KCND2: variants seen among roughly 807,000 people sequenced by gnomAD.
The protein encoded by KCND2 is A-type voltage-gated potassium channel KCND2.
KCND2 carries 16 observed loss-of-function variants against 54.4 expected under a neutral mutation model. The ratio of observed to expected loss-of-function variants is 0.29; its 90% CI spans 0.20 to 0.45. The LOEUF is 0.45. Among genes scored for constraint, KCND2 ranks in the 20% least tolerant of loss-of-function variants. KCND2 has a pLI of 1.00. For missense variants in KCND2, 486 were observed against 824.2 expected, an observed-to-expected ratio of 0.59 and a Z score of 5.02; for synonymous variants, 317 against 310.7, an observed-to-expected ratio of 1.02 and a Z score of -0.21.
chr7:120,462,289 A>C (rs1802294746), intron 1 of KCND2, among the ~76,000 whole-genome samples: 1 of 151,958 alleles, frequency 6.6e-6, no homozygotes, highest in Non-Finnish European at 1.5e-5. Context: ...CTGAAGTTGA[A>C]TCTTATAGGC....
intron 1 of KCND2, among the ~76,000 whole-genome samples, chr7:120,706,787 A>G (rs941422991): frequency 3.3e-5 from 5 of 152,182 alleles, no homozygotes; most frequent in Non-Finnish European, 7.3e-5. Context: ...TAATTAACAC[A>G]CATCTATAAT....
chr7:120,383,315 G>T (rs187015694), intron 1 of KCND2, among the ~76,000 whole-genome samples: 1 of 151,748 alleles, frequency 6.6e-6, no homozygotes, highest in Admixed American at 6.6e-5. Context: ...CTTTCTACCC[G>T]CATTTACTCT....
At chr7:120,486,632 T>C (rs1802697780) in intron 1 of KCND2, among the ~76,000 whole-genome samples, 1 of 151,750 alleles carries the variant, frequency 6.6e-6, no homozygotes, top group Admixed American at 6.6e-5. Flanking sequence ...AAAATTTCCA[T>C]GCTGAAAAAT....
chr7:120,697,112 C>A (rs1018810546), intron 1 of KCND2, among the ~76,000 whole-genome samples: 11 of 152,150 alleles, frequency 7.2e-5, no homozygotes, highest in Admixed American at 7.2e-4. Context: ...GGGGATCAAT[C>A]TTCCCTAAGC....
intron 1 of KCND2, among the ~76,000 whole-genome samples, chr7:120,320,243 G>T (rs565687328): frequency 1.3e-5 from 2 of 152,232 alleles, no homozygotes; most frequent in Admixed American, 1.3e-4. Context: ...AAGTACAGGG[G>T]TGTTACAAAG....
At chr7:120,341,935 A>G (rs1212891483) in intron 1 of KCND2, among the ~76,000 whole-genome samples, 1 of 152,128 alleles carries the variant, frequency 6.6e-6, no homozygotes, top group Non-Finnish European at 1.5e-5. Flanking sequence ...TGGGAGGAAA[A>G]TCGTATAGAA....
chr7:120,516,455 A>G (rs570085039), intron 1 of KCND2, among the ~76,000 whole-genome samples: 3 of 152,170 alleles, frequency 2.0e-5, no homozygotes, highest in Admixed American at 1.3e-4. Flanking sequence ...CCCTTTTCCA[A>G]TAAAAGAAAG....
chr7:120,613,918 AT>A (rs1297730918), intron 1 of KCND2, among the ~76,000 whole-genome samples: 1 of 152,058 alleles, frequency 6.6e-6, no homozygotes, highest in Non-Finnish European at 1.5e-5. Context: ...AAATTATGCA[AT>A]TTTCGCTATT....
chr7:120,489,066 G>A (rs1330774635), intron 1 of KCND2, among the ~76,000 whole-genome samples: 1 of 151,978 alleles, frequency 6.6e-6, no homozygotes, highest in Non-Finnish European at 1.5e-5. Flanking sequence ...GTTTTTTTGT[G>A]TATGTGTTAA....
chr7:120,582,954 A>ATGTGTGTGTGTGTG (rs10631536), intron 1 of KCND2, among the ~76,000 whole-genome samples: 2 of 147,424 alleles, frequency 1.4e-5, no homozygotes, highest in African/African-American at 5.0e-5. Flanking sequence ...GTGTGTGTGT[A>ATGTGTGTGTGTGTG]TGTGTGTGTG....
chr7:120,401,503 T>A (rs1362283866), intron 1 of KCND2, among the ~76,000 whole-genome samples: 2 of 152,148 alleles, frequency 1.3e-5, no homozygotes, highest in African/African-American at 4.8e-5. Context: ...AAATCAGTAT[T>A]TCTAGGGAGC....
At chr7:120,571,547 C>G (rs1389147748) in intron 1 of KCND2, among the ~76,000 whole-genome samples, 1 of 152,132 alleles carries the variant, frequency 6.6e-6, no homozygotes, top group Non-Finnish European at 1.5e-5. Context: ...ACGCTCTATT[C>G]TAGAAAAACG....
At chr7:120,594,804 G>A (rs929727447) in intron 1 of KCND2, among the ~76,000 whole-genome samples, 3 of 152,130 alleles carry the variant, frequency 2.0e-5, no homozygotes, top group Non-Finnish European at 2.9e-5. Flanking sequence ...GGTGGATCAT[G>A]AAGTCAGGAG....
At chr7:120,541,985 C>A (rs937821659) in intron 1 of KCND2, among the ~76,000 whole-genome samples, 1 of 152,044 alleles carries the variant, frequency 6.6e-6, no homozygotes, top group Non-Finnish European at 1.5e-5. Flanking sequence ...ATTTTACAGT[C>A]ATTTATTGAT....
chr7:120,330,289 A>C (rs1309154604), intron 1 of KCND2, among the ~76,000 whole-genome samples: 1 of 152,118 alleles, frequency 6.6e-6, no homozygotes, highest in African/African-American at 2.4e-5. Context: ...GCGCATAATA[A>C]AAAAAGTAGG....
Position 120,282,822 on chromosome 7 carries a change from A to G in KCND2, c.1115+7075A>G, listed in dbSNP as rs1201218912. Among the ~76,000 whole-genome samples the G allele has an allele frequency of 2.0e-5, 3 of 152,176 alleles. No individual in the cohort carries two copies. The East Asian group carries it at 5.8e-4, about 29-fold the overall frequency. ...CTCTCAGGGAATCAGACTGTGGCTC[A>G]CAGAGTTCAATTCAACATAATAGAC... On this transcript the variant is annotated intron_variant, in intron 1 of 5. Transcript: ENST00000331113.
chr7:120,498,247 C>T (rs1202071320), intron 1 of KCND2, among the ~76,000 whole-genome samples: 4 of 152,050 alleles, frequency 2.6e-5, no homozygotes, highest in African/African-American at 7.3e-5. Flanking sequence ...TTTGGGAGGC[C>T]GAGGCGGGTG....
chr7:120,407,970 A>G (rs188431949), intron 1 of KCND2, among the ~76,000 whole-genome samples: 34 of 151,998 alleles, frequency 2.2e-4, no homozygotes, highest in African/African-American at 7.9e-4. Flanking sequence ...AATCATGATC[A>G]GATTTATAAT....
In KCND2 at chr7:120,339,503, C is replaced by CTG. The variant is rs10525061; in HGVS notation, c.1115+63792_1115+63793dup. ...CAGATTTCCAATTCTCTTTAGAAGG[C>CTG]TGTGTGTGTGTGTGTGTGTGTGTGT... On this transcript the variant is annotated intron_variant, in intron 1 of 5. Transcript: ENST00000331113. Among the ~76,000 whole-genome samples, 1,342 of 149,786 alleles carry CTG rather than the reference C, an allele frequency of 9.0e-3. 23 individuals carry two copies. Among genetic ancestry groups the CTG allele is most frequent in the African/African-American group, 0.03 (1,233 of 40,604 alleles).
Sources: gnomAD v4.1 joint callset for allele counts (sites outside exome capture counted in the v4.1 genomes callset) on GRCh38, gnomAD v4.1.1 for gene constraint, MANE v1.5 for transcripts, NCBI Gene and HGNC (gene_info 2026-07-23, HGNC 2026-07-21) for gene names.